DNAH11: variants seen among roughly 807,000 people sequenced by gnomAD.
DNAH11 encodes the protein dynein axonemal heavy chain 11, also known as axonemal beta dynein heavy chain 11.
DNAH11 carries 442 observed loss-of-function variants against 526.0 expected under a neutral mutation model. The ratio of observed to expected loss-of-function variants is 0.84; its 90% CI spans 0.78 to 0.91. DNAH11 has a LOEUF of 0.91. DNAH11 is among the 40% of genes least tolerant of loss of function. The pLI is 0.00. For missense variants in DNAH11, 6,989 were observed against 5,448.7 expected (o/e 1.28, Z -8.90); for synonymous variants, 2,461 against 1,935.9 (o/e 1.27, Z -7.12).
At position 21,558,986 on chromosome 7, in the gene DNAH11, G is replaced by C. The variant is rs140085329; in HGVS notation, c.680G>C (p.Cys227Ser). 178 of 1,578,022 alleles carry C rather than the reference G, an allele frequency of 1.1e-4. 2 individuals are homozygous for C. In the South Asian group the frequency reaches 2.0e-3, roughly 17 times the overall value. Residue 227 changes from cysteine (C) to serine (S), a missense_variant, in exon 3 of 82, where the codon TGT (cysteine) becomes TCT (serine). Physicochemically the swap from Cys to Ser is moderately radical, Grantham distance 112. Coordinates refer to ENST00000409508, the MANE Select transcript of DNAH11 (RefSeq NM_001277115.2). ...VAGKMDLDQN[C>S]SENKPPSNER... Reference sequence around the variant, plus strand: ...GGAAAGATGGATCTGGATCAGAATTGTTCAGAGAACAAGTACGTAACAGTA... The same window carrying C: ...GGAAAGATGGATCTGGATCAGAATTCTTCAGAGAACAAGTACGTAACAGTA...
chr7:21,891,719 G>C (rs1007012363), intron 76 of DNAH11, among the ~76,000 whole-genome samples: 5 of 152,134 alleles, frequency 3.3e-5, no homozygotes, highest in African/African-American at 1.2e-4. Flanking sequence ...CTTTCACTCA[G>C]TAGGTAACTG....
intron 54 of DNAH11, among the ~76,000 whole-genome samples, chr7:21,757,143 G>C (rs1338075913): frequency 3.9e-5 from 6 of 152,128 alleles, no homozygotes; most frequent in Non-Finnish European, 7.4e-5. Context: ...TTGTTCTTTA[G>C]AGTTTGCTGC....
chr7:21,605,239 A>G (rs1038549463), intron 18 of DNAH11, among the ~76,000 whole-genome samples: 5 of 152,206 alleles, frequency 3.3e-5, no homozygotes, highest in African/African-American at 9.7e-5. Context: ...GGTTTACAAA[A>G]TAGTCTTTAG....
At chr7:21,728,597 A>C (rs1785242854) in intron 45 of DNAH11, among the ~76,000 whole-genome samples, 1 of 151,926 alleles carries the variant, frequency 6.6e-6, no homozygotes, top group Non-Finnish European at 1.5e-5. Context: ...TCCAGTATCA[A>C]CTCTAAGTCC....
chr7:21,587,575 G>A (rs542773863), intron 9 of DNAH11, among the ~76,000 whole-genome samples: 18 of 152,220 alleles, frequency 1.2e-4, no homozygotes, highest in East Asian at 5.8e-4. Flanking sequence ...TGGCTGGGTC[G>A]TGTGGATGTA....
At position 21,589,361 on chromosome 7, in the gene DNAH11, C is replaced by A. The variant is rs746839370; in HGVS notation, c.2127C>A (p.Phe709Leu). Residue 709 changes from phenylalanine to leucine, a missense_variant, in exon 12 of 82, where the codon TTC (phenylalanine) becomes TTA (leucine). Coordinates refer to ENST00000409508, the MANE Select transcript of DNAH11 (RefSeq NM_001277115.2). ...ATTTGAATCAACCCTTGGTTAAATT[C>A]AGTGCCATAAATGGTCTTCTCTGTG... is the stretch of plus-strand genomic sequence containing the variant. ...EFNLNQPLVK[F>L]SAINGLLCVN... 5.6e-6 allele frequency: 9 copies of A among 1,608,604 alleles called. No individual in the cohort carries two copies. In the Admixed American group the frequency reaches 1.5e-4, roughly 27 times the overall value.
chr7:21,724,769 T>TGTGGG (rs1785020831), intron 44 of DNAH11, among the ~76,000 whole-genome samples: 1 of 151,036 alleles, frequency 6.6e-6, no homozygotes, highest in African/African-American at 2.4e-5. Context: ...ATCCTATGAA[T>TGTGGG]ATAGGAGTCA....
chr7:21,549,965 A>G (rs912413341), intron 2 of DNAH11, among the ~76,000 whole-genome samples: 2 of 152,116 alleles, frequency 1.3e-5, no homozygotes, highest in African/African-American at 4.8e-5. Context: ...CTGATTGAGT[A>G]GGGGGGAGTC....
chr7:21,723,574 A>G (rs1784964660), intron 44 of DNAH11, among the ~76,000 whole-genome samples: 1 of 152,208 alleles, frequency 6.6e-6, no homozygotes, highest in Non-Finnish European at 1.5e-5. Flanking sequence ...ATTTTTTGAA[A>G]TGCACGTGAA....
intron 20 of DNAH11, among the ~76,000 whole-genome samples, chr7:21,611,645 A>C (rs1184857216): frequency 1.3e-5 from 2 of 152,174 alleles, no homozygotes; most frequent in Non-Finnish European, 2.9e-5. Flanking sequence ...CAAAAGCAAA[A>C]ATATTTTCAA....
intron 71 of DNAH11, among the ~76,000 whole-genome samples, chr7:21,866,950 G>A (rs1205596309): frequency 6.6e-6 from 1 of 152,202 alleles, no homozygotes; most frequent in Non-Finnish European, 1.5e-5. Flanking sequence ...TGTCAGCAGA[G>A]TTCAGAGGCC....
intron 61 of DNAH11, among the ~76,000 whole-genome samples, chr7:21,798,642 G>A (rs565785553): frequency 6.6e-6 from 1 of 152,208 alleles, no homozygotes; most frequent in South Asian, 2.1e-4. Flanking sequence ...CTTTGTCTCA[G>A]TTTCCTCACC....
intron 32 of DNAH11, among the ~76,000 whole-genome samples, chr7:21,684,857 C>T (rs1210158844): frequency 1.3e-5 from 2 of 152,206 alleles, no homozygotes; most frequent in African/African-American, 4.8e-5. Flanking sequence ...CTCTGCTGAC[C>T]TGTTTGATGG....
At chr7:21,775,232 A>T (rs1787622524) in intron 56 of DNAH11, among the ~76,000 whole-genome samples, 1 of 152,180 alleles carries the variant, frequency 6.6e-6, no homozygotes, top group South Asian at 2.1e-4. Flanking sequence ...GGTTTCCAGG[A>T]CGGTTGGGAT....
At chr7:21,778,932 C>G (rs754914657) in intron 56 of DNAH11, 26 bp from the exon 57 acceptor site, 47 of 1,609,130 alleles carry the variant, frequency 2.9e-5, no homozygotes, top group Non-Finnish European at 3.1e-5. Flanking sequence ...AGGCCAGTGA[C>G]GTAAGAATAA....
intron 63 of DNAH11, among the ~76,000 whole-genome samples, chr7:21,814,344 TA>T (rs1162230109): frequency 3.5e-5 from 3 of 85,510 alleles, no homozygotes; most frequent in South Asian, 3.4e-4. Flanking sequence ...TTTATTTATT[TA>T]TTTATTTTTT....
chr7:21,869,022 G>C (rs747011699), intron 73 of DNAH11, 31 bp downstream of exon 73: 1 of 1,612,970 alleles, frequency 6.2e-7, no homozygotes. Flanking sequence ...AAGACACTGG[G>C]CATAAACACA....
At chr7:21,732,028 C>T (rs1257339300) in intron 45 of DNAH11, among the ~76,000 whole-genome samples, 2 of 152,190 alleles carry the variant, frequency 1.3e-5, no homozygotes, top group African/African-American at 2.4e-5. Context: ...TCTGTACCGT[C>T]TGTGGTTTCA....
intron 71 of DNAH11, among the ~76,000 whole-genome samples, chr7:21,867,648 G>T (rs1329083744): frequency 6.6e-6 from 1 of 152,144 alleles, no homozygotes. Context: ...GTAGGCTTCT[G>T]ATTTTCAGAG....
Sources: allele counts gnomAD v4.1 joint callset (sites outside exome capture counted in the v4.1 genomes callset), GRCh38; gene constraint gnomAD v4.1.1; transcripts MANE v1.5; gene names NCBI Gene and HGNC (gene_info 2026-07-23, HGNC 2026-07-21).